The following GAA variants were observed in gnomAD, a reference collection of about 807,000 sequenced individuals.
The protein encoded by GAA is alpha glucosidase.
GAA carries 88 observed loss-of-function variants against 103.9 expected under a neutral mutation model. That is an observed-to-expected ratio of 0.85 (90% CI 0.71 to 1.01). The LOEUF is 1.01. Ranked by LOEUF, GAA falls within the 50% of genes least tolerant of loss-of-function variation. The probability of loss-of-function intolerance (pLI) is 0.00; values close to 1 mark genes in which losing one functional copy is unlikely to be tolerated. For missense variants in GAA, 1,350 were observed against 1,305.3 expected, an observed-to-expected ratio of 1.03 and a Z score of -0.53; for synonymous variants, 572 against 563.1, an observed-to-expected ratio of 1.02 and a Z score of -0.22.
chr17:80,110,069 C>CCAGGGGA lies in GAA; in HGVS notation c.1437+16_1437+22dup. ...CTGATTGGGAAGGTAGGGCGAGGGTCCAGGGGACGGGGGTTAGAAAGCAGA... is the reference window on the plus strand; with the variant it reads ...CTGATTGGGAAGGTAGGGCGAGGGTCCAGGGGACAGGGGACGGGGGTTAGAAAGCAGA... On this transcript the variant is annotated intron_variant, in intron 9 of 19. Transcript: ENST00000302262. 6.2e-7 allele frequency: 1 copy of CCAGGGGA among 1,604,310 alleles called. No homozygotes were observed. The highest frequency in any genetic ancestry group is 1.1e-5 in the South Asian group (1 of 90,888).
In GAA at chr17:80,118,925, G is replaced by A. The variant is rs917071371; in HGVS notation, c.2799+120G>A. On this transcript the variant is annotated intron_variant, in intron 19 of 19. Coordinates refer to ENST00000302262, the MANE Select transcript of GAA (RefSeq NM_000152.5). The stretch of plus-strand genomic sequence containing the variant: ...AGAGGATGCTGGGACCTCCCAAGGG[G>A]GTCTTTGGGGAGGAGTGGGAAGGGT... The A allele has an allele frequency of 1.4e-4, 173 of 1,252,734 alleles. No homozygotes were observed. The Middle Eastern group carries it at 2.3e-3, about 16-fold the overall frequency. The allele number at this position is 1,252,734 out of a possible 1,614,324, so 77.6% of individuals were successfully genotyped here.
chr17:80,105,156 G>A lies in GAA; in HGVS notation c.546+24G>A, dbSNP rs775188751. 28 of 1,589,646 alleles carry A rather than the reference G, an allele frequency of 1.8e-5. No homozygotes were observed. Among genetic ancestry groups the A allele is most frequent in the Admixed American group, 6.7e-5 (4 of 59,540 alleles). ...CGGTGGGCAGGGCAGGGGCGGGGGC[G>A]GCGGCCAGGGCAGAGGGTGCGCGTG... On this transcript the variant is annotated intron_variant, in intron 2 of 19. Coordinates refer to ENST00000302262, the MANE Select transcript of GAA (RefSeq NM_000152.5).
At chr17:80,107,225 C>G (rs562921346) in intron 3 of GAA, among the ~76,000 whole-genome samples, 17 of 152,338 alleles carry the variant, frequency 1.1e-4, no homozygotes, top group African/African-American at 4.1e-4. Flanking sequence ...CCCTGCCCAG[C>G]CTTGCTTGGG....
rs79487884 is a variant in GAA, at chr17:80,111,235, G to A, written c.1636+210G>A. ...TGCAGAGGCACAGGCCCTGCCGGAG[G>A]AGACGCCGCTCACAGGTGCTTGCCA... On this transcript the variant is annotated intron_variant, in intron 11 of 19. Coordinates refer to ENST00000302262, the MANE Select transcript of GAA (RefSeq NM_000152.5). Among the ~76,000 whole-genome samples the A allele has an allele frequency of 0.044, 6,630 of 152,302 alleles. 307 individuals carry two copies. The highest frequency in any genetic ancestry group is 0.24 in the East Asian group (1,232 of 5,152).
Position 80,104,446 on chromosome 17 carries a change from G to T in GAA, c.-32-109G>T, listed in dbSNP as rs2039019966. 3 of 764,300 alleles carry T rather than the reference G, an allele frequency of 3.9e-6. No individual in the cohort carries two copies. The highest frequency in any genetic ancestry group is 6.2e-6 in the Non-Finnish European group (3 of 482,762). The allele number at this position is 764,300 out of a possible 1,614,324, so 47.3% of individuals were successfully genotyped here. ...CCACCCTGGCCACCTTACCCCACCT[G>T]CCTGGGTGCTGCAGTGCCAGCCGCG... On this transcript the variant is annotated intron_variant, in intron 1 of 19. Coordinates refer to ENST00000302262, the MANE Select transcript of GAA (RefSeq NM_000152.5). This position sits in a 1 kb window ranked among gnomAD's most constrained non-coding sequence, Gnocchi z 4.0.
intron 18 of GAA, 41 bp from the exon 19 acceptor site, chr17:80,118,612 T>G (rs755043259): frequency 6.2e-7 from 1 of 1,608,396 alleles, no homozygotes; most frequent in Non-Finnish European, 8.5e-7. Flanking sequence ...TGCTGACACC[T>G]CCACATTCTC....
intron 3 of GAA, among the ~76,000 whole-genome samples, chr17:80,106,938 T>C (rs2039101069): frequency 6.6e-6 from 1 of 152,080 alleles, no homozygotes; most frequent in Admixed American, 6.6e-5. Context: ...CAAACAGGCA[T>C]CTTATCAGAT....
intron 17 of GAA, 34 bp from the exon 18 acceptor site, chr17:80,118,159 G>A: frequency 6.2e-7 from 1 of 1,611,210 alleles, no homozygotes; most frequent in East Asian, 2.2e-5. Context: ...CACCAGGGTG[G>A]GGATGATGAC....
intron 1 of GAA, among the ~76,000 whole-genome samples, chr17:80,103,987 G>A (rs1256741326): frequency 6.6e-6 from 1 of 152,196 alleles, no homozygotes; most frequent in African/African-American, 2.4e-5. Context: ...GGGGCTCCCA[G>A]CCAGGCGTGG....
rs527768274 is a variant in GAA, at chr17:80,110,135, G to A, written c.1437+80G>A. 1.1e-4 allele frequency: 129 copies of A among 1,179,188 alleles called. No homozygotes were observed. In the African/African-American group the frequency reaches 1.6e-3, roughly 15 times the overall value. The allele number at this position is 1,179,188 out of a possible 1,614,324, so 73.0% of individuals were successfully genotyped here. On this transcript the variant is annotated intron_variant, in intron 9 of 19. Transcript: ENST00000302262. Reference sequence around the variant, plus strand: ...GGAGCCGGCAGCTGCTCAGGAAGACGGTGGGATTTGAGGAGCCATCACGCC... The same window carrying A: ...GGAGCCGGCAGCTGCTCAGGAAGACAGTGGGATTTGAGGAGCCATCACGCC...
intron 9 of GAA, among the ~76,000 whole-genome samples, chr17:80,110,357 G>A (rs1255330365): frequency 6.6e-6 from 1 of 152,206 alleles, no homozygotes; most frequent in Admixed American, 6.5e-5. Flanking sequence ...GGGGCCTCCA[G>A]GCAGGGCCCC....
chr17:80,116,047 T>G (rs768234681), intron 15 of GAA, among the ~76,000 whole-genome samples: 4 of 152,234 alleles, frequency 2.6e-5, no homozygotes, highest in Non-Finnish European at 5.9e-5. Context: ...TGACCATTTT[T>G]GCCGATGTTC....
In GAA at chr17:80,105,097, G is replaced by C. The variant is rs886053543; in HGVS notation, c.511G>C (p.Val171Leu). The change falls in exon 2 of 20, where the codon GTG (valine) becomes CTG (leucine). Residue 171 changes from valine (V) to leucine (L), a missense_variant. Val to Leu is a conservative substitution (Grantham distance 32). Transcript: ENST00000302262. ...GGACATCCTGACCCTGCGGCTGGAC[G>C]TGATGATGGAGACTGAGAACCGCCT... ...PKDILTLRLD[V>L]MMETENRLHF... 1.2e-6 allele frequency: 2 copies of C among 1,611,338 alleles called. No individual in the cohort carries two copies. Among genetic ancestry groups the C allele is most frequent in the Non-Finnish European group, 8.5e-7 (1 of 1,179,682 alleles).
rs398123172 is a variant in GAA at position 80,113,282 on chromosome 17, G to A, written c.2105G>A (p.Arg702His). The change falls in exon 15 of 20, where the codon CGC becomes CAC. Residue 702 changes from arginine (R) to histidine (H), a missense_variant. Coordinates refer to ENST00000302262, the MANE Select transcript of GAA (RefSeq NM_000152.5). ...QQAMRKALTLRYALLPHLYTL... is the reference protein window; with the variant it reads ...QQAMRKALTLHYALLPHLYTL... ...GCCATGAGGAAGGCCCTCACCCTGCGCTACGCACTCCTCCCCCACCTCTAC... is the reference window on the plus strand; with the variant it reads ...GCCATGAGGAAGGCCCTCACCCTGCACTACGCACTCCTCCCCCACCTCTAC... 2.4e-5 allele frequency: 38 copies of A among 1,600,208 alleles called. No individual in the cohort carries two copies. The highest frequency in any genetic ancestry group is 3.3e-4 in the Middle Eastern group (2 of 6,058).
rs963719602 is a variant in GAA, at chr17:80,108,546, A to G, written c.1133A>G (p.Tyr378Cys). Residue 378 changes from tyrosine to cysteine, a missense_variant, in exon 7 of 20, where the codon TAC (tyrosine) becomes TGC (cysteine). Physicochemically the swap from Tyr to Cys is radical, Grantham distance 194. Coordinates refer to ENST00000302262, the MANE Select transcript of GAA (RefSeq NM_000152.5). The stretch of plus-strand genomic sequence containing the variant: ...GGCTTCCACCTGTGCCGCTGGGGCT[A>G]CTCCTCCACCGCTATCACCCGCCAG... ...GLGFHLCRWG[Y>C]SSTAITRQVV... is the part of the protein sequence containing the mutation. The G allele has an allele frequency of 4.3e-6, 7 of 1,612,164 alleles. No individual in the cohort carries two copies. The highest frequency in any genetic ancestry group is 1.6e-4 in the Middle Eastern group (1 of 6,062).
intron 9 of GAA, among the ~76,000 whole-genome samples, chr17:80,110,430 G>T (rs887957658): frequency 2.0e-5 from 3 of 152,198 alleles, no homozygotes; most frequent in Non-Finnish European, 2.9e-5. Flanking sequence ...GGGCTTGCAC[G>T]GGGCCGTCTC....
intron 1 of GAA, among the ~76,000 whole-genome samples, chr17:80,103,931 C>A (rs1295781952): frequency 2.0e-5 from 3 of 152,204 alleles, no homozygotes; most frequent in African/African-American, 7.2e-5. Flanking sequence ...GCCAGAATCA[C>A]TTCCGCTGAC....
intron 3 of GAA, among the ~76,000 whole-genome samples, chr17:80,106,204 A>G (rs1598572928): frequency 6.6e-6 from 1 of 152,292 alleles, no homozygotes; most frequent in African/African-American, 2.4e-5. Context: ...GCCTTCGGAA[A>G]TGCGTTTTTC....
rs143491365 is a variant in GAA, at chr17:80,110,825, C to A, written c.1536C>A (p.Phe512Leu). Residue 512 changes from phenylalanine (F) to leucine (L), a missense_variant, in exon 10 of 20, where the codon TTC (phenylalanine) becomes TTA (leucine). By Grantham distance (22) the Phe-to-Leu change is conservative (BLOSUM62 0). Coordinates refer to ENST00000302262, the MANE Select transcript of GAA (RefSeq NM_000152.5). ...MVAEFHDQVPFDGMWIDMNEP... is the reference protein window; with the variant it reads ...MVAEFHDQVPLDGMWIDMNEP... ...CTGAGTTCCATGACCAGGTGCCCTT[C>A]GACGGCATGTGGATTGTAAGTGTGG... is the stretch of plus-strand genomic sequence containing the variant. 9.9e-6 allele frequency: 16 copies of A among 1,613,994 alleles called. No homozygotes were observed. Among genetic ancestry groups the A allele is most frequent in the African/African-American group, 2.7e-5 (2 of 74,904 alleles).
Sources: allele counts gnomAD v4.1 joint callset (sites outside exome capture counted in the v4.1 genomes callset), GRCh38; gene constraint gnomAD v4.1.1; non-coding constraint Gnocchi (gnomAD v3.1); transcripts MANE v1.5; gene names NCBI Gene and HGNC (gene_info 2026-07-23, HGNC 2026-07-21).